LRRTM4: variants seen among roughly 807,000 people sequenced by gnomAD.
LRRTM4 encodes leucine rich repeat transmembrane neuronal 4, also known as leucine-rich repeat transmembrane neuronal protein 4.
In LRRTM4, 25 loss-of-function variants were observed where a neutral mutation model predicts 47.6. The observed-to-expected ratio is 0.53, with a 90% CI of 0.38 to 0.73. LRRTM4 has a LOEUF of 0.73. Ranked by LOEUF, LRRTM4 falls within the 30% of genes least tolerant of loss-of-function variation. The probability of loss-of-function intolerance (pLI) is 0.00; values close to 1 mark genes in which losing one functional copy is unlikely to be tolerated. For missense variants in LRRTM4, 638 were observed against 713.4 expected (o/e 0.89, Z 1.20); for synonymous variants, 311 against 269.5 (o/e 1.15, Z -1.51).
intron 3 of LRRTM4, among the ~76,000 whole-genome samples, chr2:77,498,711 T>A (rs749439493): frequency 6.6e-6 from 1 of 151,808 alleles, no homozygotes; most frequent in Non-Finnish European, 1.5e-5. Flanking sequence ...ATATCCAAAA[T>A]TCTTTAAGCC....
chr2:76,775,752 T>C (rs1673946178), intron 3 of LRRTM4, among the ~76,000 whole-genome samples: 1 of 152,152 alleles, frequency 6.6e-6, no homozygotes, highest in Non-Finnish European at 1.5e-5. Context: ...TCTCTCTTTT[T>C]TTTAAATTTA....
intron 3 of LRRTM4, among the ~76,000 whole-genome samples, chr2:77,462,920 G>A (rs1344689947): frequency 6.6e-6 from 1 of 151,072 alleles, no homozygotes; most frequent in Admixed American, 6.6e-5. Flanking sequence ...GGGGGTGGGG[G>A]GCAAATATTA....
At chr2:77,096,254 A>G (rs955134469) in intron 3 of LRRTM4, among the ~76,000 whole-genome samples, 2 of 151,914 alleles carry the variant, frequency 1.3e-5, no homozygotes, top group Non-Finnish European at 2.9e-5. Flanking sequence ...AGAATAAAAA[A>G]TTGTGGAATA....
rs1421395060 is a variant in LRRTM4 at position 77,082,029 on chromosome 2, G to C, written c.1552-333113C>G. ...TATTTGAAAGATTTAGCATTACCTA[G>C]TTTAGTAGCTATATGTTATACTTTT... is the stretch of plus-strand genomic sequence containing the variant. On this transcript the variant is annotated intron_variant, in intron 3 of 3. Coordinates refer to ENST00000409884, the MANE Select transcript of LRRTM4 (RefSeq NM_001134745.3). Among the ~76,000 whole-genome samples, 4 of 152,014 alleles carry C rather than the reference G, an allele frequency of 2.6e-5. No homozygotes were observed. In the East Asian group the frequency reaches 7.7e-4, roughly 29 times the overall value.
intron 3 of LRRTM4, among the ~76,000 whole-genome samples, chr2:76,994,312 AAAAAT>A (rs891952598): frequency 1.6e-4 from 24 of 152,040 alleles, no homozygotes; most frequent in African/African-American, 5.1e-4. Context: ...CAATTGAGAA[AAAAAT>A]AAAATAAAAT....
At chr2:77,121,304 A>G (rs1295961407) in intron 3 of LRRTM4, among the ~76,000 whole-genome samples, 2 of 151,818 alleles carry the variant, frequency 1.3e-5, no homozygotes, top group Non-Finnish European at 3.0e-5. Flanking sequence ...TAAAGATGAC[A>G]TCAGTACGAA....
In LRRTM4 at chr2:77,353,452, CTCAT is replaced by C. The variant is rs528350500; in HGVS notation, c.1551+164862_1551+164865del. 2.1e-4 allele frequency among the ~76,000 whole-genome samples: 32 copies of C among 152,220 alleles called. No individual in the cohort carries two copies. The East Asian group carries it at 5.8e-3, about 28-fold the overall frequency. On this transcript the variant is annotated intron_variant, in intron 3 of 3. Transcript: ENST00000409884. The stretch of plus-strand genomic sequence containing the variant: ...AAATACTTTTCTATTGTATGGCTAA[CTCAT>C]AATACAAAAATCTATTACCTATTAT...
At chr2:76,891,245 T>A (rs990869673) in intron 3 of LRRTM4, among the ~76,000 whole-genome samples, 1 of 151,608 alleles carries the variant, frequency 6.6e-6, no homozygotes, top group Non-Finnish European at 1.5e-5. Context: ...TTAATTATAA[T>A]AAGAGGAGAG....
At chr2:77,240,028 T>G (rs1289725275) in intron 3 of LRRTM4, among the ~76,000 whole-genome samples, 1 of 151,834 alleles carries the variant, frequency 6.6e-6, no homozygotes, top group Non-Finnish European at 1.5e-5. Context: ...TAGACCATAT[T>G]CTGGGTCATA....
chr2:76,987,768 G>A (rs1488259949), intron 3 of LRRTM4, among the ~76,000 whole-genome samples: 1 of 151,688 alleles, frequency 6.6e-6, no homozygotes, highest in African/African-American at 2.4e-5. Flanking sequence ...GCACTAACAT[G>A]AGCTCATGGT....
chr2:77,122,891 A>G (rs1171804459), intron 3 of LRRTM4, among the ~76,000 whole-genome samples: 4 of 151,908 alleles, frequency 2.6e-5, no homozygotes, highest in African/African-American at 9.7e-5. Context: ...CAAGTGATTC[A>G]GCAGGCTCTG....
chr2:76,885,475 T>TC (rs1243076237), intron 3 of LRRTM4, among the ~76,000 whole-genome samples: 1 of 151,054 alleles, frequency 6.6e-6, no homozygotes, highest in African/African-American at 2.4e-5. Flanking sequence ...TTTTTTTTTT[T>TC]TTTTTGAGAC....
chr2:77,017,832 A>T (rs1288938242), intron 3 of LRRTM4, among the ~76,000 whole-genome samples: 2 of 152,160 alleles, frequency 1.3e-5, no homozygotes, highest in African/African-American at 4.8e-5. Flanking sequence ...GACAATGAGA[A>T]CCCAATCTAC....
chr2:76,863,566 C>A (rs892935677), intron 3 of LRRTM4, among the ~76,000 whole-genome samples: 2 of 152,122 alleles, frequency 1.3e-5, no homozygotes, highest in Non-Finnish European at 2.9e-5. Flanking sequence ...AACTCTCTGA[C>A]ATCAAATGTG....
chr2:77,478,035 A>G (rs1677507317), intron 3 of LRRTM4, among the ~76,000 whole-genome samples: 1 of 152,164 alleles, frequency 6.6e-6, no homozygotes, highest in Non-Finnish European at 1.5e-5. Context: ...AGTCAGGCTC[A>G]TAGTTTTCCA....
intron 3 of LRRTM4, among the ~76,000 whole-genome samples, chr2:77,411,454 T>C (rs2033949): frequency 0.074 from 8,169 of 110,082 alleles, 807 homozygotes; most frequent in African/African-American, 0.31. Flanking sequence ...CTTTCTTCTT[T>C]TTTTTTTTTT....
chr2:76,937,115 C>T (rs1674981381), intron 3 of LRRTM4, among the ~76,000 whole-genome samples: 1 of 151,704 alleles, frequency 6.6e-6, no homozygotes, highest in African/African-American at 2.4e-5. Context: ...ATAGAAAAAA[C>T]TACAGTCTTG....
chr2:76,748,787 G>T lies in LRRTM4; in HGVS notation c.1681C>A (p.Pro561Thr), dbSNP rs1672740290. 1 of 1,613,888 alleles carries T rather than the reference G, an allele frequency of 6.2e-7. No homozygotes were observed. ...ETVSPEQDES[P>T]GLELGRDHSF... ...TGGTCTCGGCCCAGCTCCAGGCCGG[G>T]GCTTTCGTCCTGCTCTGGAGACACT... The change falls in exon 4 of 4, where the codon CCC becomes ACC. Residue 561 changes from proline to threonine, a missense_variant. By Grantham distance (38) the Pro-to-Thr change is conservative. Transcript: ENST00000409884.
intron 3 of LRRTM4, among the ~76,000 whole-genome samples, chr2:77,243,813 A>G (rs1295074870): frequency 1.4e-5 from 2 of 142,690 alleles, no homozygotes; most frequent in Non-Finnish European, 3.0e-5. Flanking sequence ...GTACATGTGC[A>G]CATTGTGCAG....
Sources: gnomAD v4.1 joint callset for allele counts (sites outside exome capture counted in the v4.1 genomes callset) on GRCh38, gnomAD v4.1.1 for gene constraint, MANE v1.5 for transcripts, NCBI Gene and HGNC (gene_info 2026-07-23, HGNC 2026-07-21) for gene names.